The following HUWE1 variants were observed in gnomAD, a reference collection of about 807,000 sequenced individuals.
HUWE1 encodes the protein E3 ubiquitin-protein ligase HUWE1.
A neutral mutation model predicts 299.4 loss-of-function variants in HUWE1; 18 were observed. The observed-to-expected ratio is 0.06, with a 90% CI of 0.04 to 0.09. The LOEUF (loss-of-function observed/expected upper bound fraction) is 0.09, where lower values mean the gene tolerates loss of function less well. HUWE1 is among the 10% of genes least tolerant of loss of function. The probability of loss-of-function intolerance (pLI) is 1.00; values close to 1 mark genes in which losing one functional copy is unlikely to be tolerated. For missense variants in HUWE1, 1,832 were observed against 3,462.3 expected, an observed-to-expected ratio of 0.53 and a Z score of 11.82; for synonymous variants, 1,317 against 1,286.1, an observed-to-expected ratio of 1.02 and a Z score of -0.51.
chrX:53,684,161 A>AG (rs2070350012), intron 2 of HUWE1: 1 of 248,130 alleles, frequency 4.0e-6, no homozygotes, highest in African/African-American at 2.8e-5. Flanking sequence ...CGAAGCAGTG[A>AG]GGGGCGGAGC....
rs781929396 is a variant in HUWE1 at position 53,585,180 on chromosome X, T to C, written c.4833A>G (p.Gln1611=). Residue 1611 remains glutamine, a synonymous_variant, in exon 40 of 84, where the codon CAA becomes CAG. Coordinates refer to ENST00000262854, the MANE Select transcript of HUWE1 (RefSeq NM_031407.7). ...KRRAQMTKYL[Q]SNSNNWRWFD... ...ACCAGCGCCAGTTGTTGCTGTTGGA[T>C]TGCAGGTACTAAACATAAAAGTACA... 4.1e-6 allele frequency: 5 copies of C among 1,211,556 alleles called. No individual in the cohort carries two copies. Among genetic ancestry groups the C allele is most frequent in the Non-Finnish European group, 5.6e-6 (5 of 895,019 alleles).
chrX:53,606,351 C>T (rs1556996718), intron 25 of HUWE1, among the ~76,000 whole-genome samples: 1 of 112,048 alleles, frequency 8.9e-6, no homozygotes, highest in African/African-American at 3.2e-5. Flanking sequence ...ATAACAAGCA[C>T]ATGAAAAGAT....
chrX:53,603,515 A>G lies in HUWE1; in HGVS notation c.2743-14T>C. On this transcript the variant is annotated splice_polypyrimidine_tract_variant and intron_variant, in intron 26 of 83. Coordinates refer to ENST00000262854, the MANE Select transcript of HUWE1 (RefSeq NM_031407.7). ...ACGAATTTCACTCTGCAATCATAAC[A>G]AGAATTTCACCTTTGGGATGTTCTC... The G allele has an allele frequency of 1.7e-6, 2 of 1,206,527 alleles. No homozygotes were observed. The highest frequency in any genetic ancestry group is 2.2e-6 in the Non-Finnish European group (2 of 891,098).
At chrX:53,534,905 T>C (rs939559153) in intron 81 of HUWE1, among the ~76,000 whole-genome samples, 8 of 109,369 alleles carry the variant, frequency 7.3e-5, no homozygotes, top group Admixed American at 9.8e-5. Context: ...GGATTACAAA[T>C]GTGAGCCACT....
rs71830310 is a variant in HUWE1 at position 53,566,133 on chromosome X, G to GTATATATA, written c.6708-902_6708-895dup. ...TATGTATGTATGTGTGTGTGTGTGT[G>GTATATATA]TATATATATATATATATATATATAT... On this transcript the variant is annotated intron_variant, in intron 49 of 83. Transcript: ENST00000262854. Among the ~76,000 whole-genome samples the GTATATATA allele has an allele frequency of 2.0e-3, 77 of 38,964 alleles. 1 individual carries two copies. The highest frequency in any genetic ancestry group is 5.6e-3 in the African/African-American group (58 of 10,339). The allele number at this position is 38,964 out of a possible 115,157, so 33.8% of individuals were successfully genotyped here. A position where few individuals can be genotyped will look rare whatever the true frequency, so the allele number is the denominator to read the frequency against.
chrX:53,677,692 A>G (rs1557051669), intron 3 of HUWE1, among the ~76,000 whole-genome samples: 1 of 110,849 alleles, frequency 9.0e-6, no homozygotes, highest in African/African-American at 3.3e-5. Context: ...TAATGTACCC[A>G]AAGTAATCTT....
intron 83 of HUWE1, 111 bp downstream of exon 83, chrX:53,533,896 G>A: frequency 1.4e-6 from 1 of 736,892 alleles, no homozygotes; most frequent in South Asian, 2.1e-5. Context: ...GTTACCCAAG[G>A]TCCAGGACTC....
At chrX:53,558,924 A>T (rs2062156720) in intron 58 of HUWE1, 47 bp downstream of exon 58, 1 of 1,167,617 alleles carries the variant, frequency 8.6e-7, no homozygotes. Flanking sequence ...CGTTTGCCCT[A>T]GCTCTGGAAG....
intron 7 of HUWE1, among the ~76,000 whole-genome samples, chrX:53,636,553 G>A (rs781988508): frequency 9.0e-6 from 1 of 111,522 alleles, no homozygotes; most frequent in Admixed American, 9.5e-5. Context: ...GTGAAACCCC[G>A]TCTCTACTAA....
chrX:53,647,361 C>A lies in HUWE1; in HGVS notation c.351+7G>T. On this transcript the variant is annotated splice_region_variant and intron_variant, in intron 6 of 83. Transcript: ENST00000262854. The stretch of plus-strand genomic sequence containing the variant: ...GAACAGGGTACACAGGCTTTAACCT[C>A]CCCTACCTCTATGGAACTGTACAGA... The A allele has an allele frequency of 8.4e-7, 1 of 1,187,198 alleles. No individual in the cohort carries two copies. The highest frequency in any genetic ancestry group is 1.1e-6 in the Non-Finnish European group (1 of 873,060).
At chrX:53,643,038 A>C (rs1327555123) in intron 7 of HUWE1, among the ~76,000 whole-genome samples, 1 of 112,541 alleles carries the variant, frequency 8.9e-6, no homozygotes, top group Non-Finnish European at 1.9e-5. Flanking sequence ...TACATTGGTA[A>C]CTATACTATT....
intron 7 of HUWE1, among the ~76,000 whole-genome samples, chrX:53,638,302 T>C (rs1817962350): frequency 9.0e-6 from 1 of 110,942 alleles, no homozygotes; most frequent in African/African-American, 3.3e-5. Flanking sequence ...ATCGCGCCAC[T>C]GCACTCCAGC....
intron 74 of HUWE1, 101 bp downstream of exon 74, chrX:53,542,342 A>G: frequency 1.6e-6 from 1 of 610,938 alleles, no homozygotes; most frequent in Non-Finnish European, 2.8e-6. Context: ...AACAAATGGG[A>G]AAACACTGGG....
intron 68 of HUWE1, 82 bp from the exon 69 acceptor site, chrX:53,546,907 G>C: frequency 9.1e-7 from 1 of 1,095,693 alleles, no homozygotes; most frequent in Non-Finnish European, 1.2e-6. Flanking sequence ...AGGAATCGCT[G>C]AATTGCCCAG....
intron 7 of HUWE1, among the ~76,000 whole-genome samples, chrX:53,642,989 T>A (rs781838066): frequency 8.9e-6 from 1 of 112,363 alleles, no homozygotes; most frequent in Non-Finnish European, 1.9e-5. Flanking sequence ...GTTTTATTGG[T>A]CCATGACAAA....
intron 43 of HUWE1, among the ~76,000 whole-genome samples, chrX:53,578,715 C>T (rs1259476232): frequency 7.3e-5 from 5 of 68,247 alleles, no homozygotes; most frequent in Admixed American, 1.5e-4. Flanking sequence ...CCGCCCCGTC[C>T]GGGAGGTGAG....
Position 53,534,501 on chromosome X carries a change from C to G in HUWE1, c.12831+15G>C. 1.7e-6 allele frequency: 2 copies of G among 1,196,398 alleles called. No individual in the cohort carries two copies. Among genetic ancestry groups the G allele is most frequent in the Non-Finnish European group, 2.3e-6 (2 of 885,362 alleles). ...TAAGAGGACCATATGAGGAGGGATG[C>G]CAGCAGCAGCTCACCTGAATAGAGT... On this transcript the variant is annotated intron_variant, in intron 82 of 83. Coordinates refer to ENST00000262854, the MANE Select transcript of HUWE1 (RefSeq NM_031407.7).
At chrX:53,612,946 G>A (rs146578611) in intron 23 of HUWE1, among the ~76,000 whole-genome samples, 148 of 111,148 alleles carry the variant, frequency 1.3e-3, no homozygotes, top group African/African-American at 4.5e-3. Context: ...AGGTAGGGAC[G>A]TCACATGCAG....
intron 3 of HUWE1, among the ~76,000 whole-genome samples, chrX:53,657,840 G>C (rs1442477342): frequency 9.1e-6 from 1 of 109,575 alleles, no homozygotes; most frequent in Non-Finnish European, 1.9e-5. Flanking sequence ...ACAAGGTCAG[G>C]AGATCGAGAC....
Sources: gnomAD v4.1 joint callset for allele counts (sites outside exome capture counted in the v4.1 genomes callset) on GRCh38, gnomAD v4.1.1 for gene constraint, MANE v1.5 for transcripts, NCBI Gene and HGNC (gene_info 2026-07-23, HGNC 2026-07-21) for gene names.